KCNN2: variants seen among roughly 807,000 people sequenced by gnomAD.
The protein encoded by KCNN2 is small conductance calcium-activated potassium channel protein 2.
A neutral mutation model predicts 55.5 loss-of-function variants in KCNN2; 24 were observed. The observed-to-expected ratio is 0.43, with a 90% CI of 0.31 to 0.61. The LOEUF (loss-of-function observed/expected upper bound fraction) is 0.61. KCNN2 is among the 20% of genes least tolerant of loss of function. KCNN2 has a pLI of 0.08. For synonymous variants in KCNN2, 431 were observed against 336.1 expected, an observed-to-expected ratio of 1.28 and a Z score of -3.09; for missense variants, 754 against 853.6, an observed-to-expected ratio of 0.88 and a Z score of 1.45.
rs879461902 is a variant in KCNN2, at chr5:114,492,602, GT to G, written c.2019-794del. ...AATAGCAGAGTTCTTACCTACAAGT[GT>G]TTTTTTAATACCGTTTTTTGACTCT... On this transcript the variant is annotated intron_variant, in intron 6 of 7. Coordinates refer to ENST00000673685, the MANE Select transcript of KCNN2 (RefSeq NM_021614.4). Among the ~76,000 whole-genome samples the G allele has an allele frequency of 7.4e-4, 112 of 152,064 alleles. 2 individuals carry two copies. The highest frequency in any genetic ancestry group is 6.5e-3 in the Admixed American group (99 of 15,254).
chr5:114,229,934 G>T (rs1754322162), intron 2 of KCNN2, among the ~76,000 whole-genome samples: 1 of 152,116 alleles, frequency 6.6e-6, no homozygotes, highest in Non-Finnish European at 1.5e-5. Flanking sequence ...TGTACAGCTG[G>T]AACACACGTA....
intron 1 of KCNN2, among the ~76,000 whole-genome samples, chr5:114,179,519 G>T (rs1441533910): frequency 6.6e-6 from 1 of 152,206 alleles, no homozygotes; most frequent in East Asian, 1.9e-4. Context: ...CAAGCCTAAG[G>T]TCACTGAGCC....
chr5:114,273,696 GTTGT>G (rs1444550293), intron 2 of KCNN2, among the ~76,000 whole-genome samples: 3 of 151,778 alleles, frequency 2.0e-5, no homozygotes, highest in Non-Finnish European at 4.4e-5. Context: ...TTTGGATGGG[GTTGT>G]TTTTTTCTTG....
intron 4 of KCNN2, among the ~76,000 whole-genome samples, chr5:114,467,851 C>CCTAT (rs1278189457): frequency 6.6e-5 from 10 of 152,168 alleles, no homozygotes; most frequent in Admixed American, 6.5e-4. Context: ...AGCTGCCCTT[C>CCTAT]CTATCTCTGA....
intron 3 of KCNN2, among the ~76,000 whole-genome samples, chr5:114,414,648 A>T (rs1759251079): frequency 6.6e-6 from 1 of 152,230 alleles, no homozygotes; most frequent in East Asian, 1.9e-4. Flanking sequence ...GGCATCAGAT[A>T]TTTAAACCAT....
chr5:114,056,508 C>A (rs1580470649), intron 1 of KCNN2: 2 of 398,186 alleles, frequency 5.0e-6, no homozygotes, highest in South Asian at 2.6e-4. Flanking sequence ...GAGGTAAGGT[C>A]GCGACTAAGG....
At chr5:114,283,190 T>C (rs1755658866) in intron 2 of KCNN2, among the ~76,000 whole-genome samples, 1 of 152,272 alleles carries the variant, frequency 6.6e-6, no homozygotes, top group Admixed American at 6.5e-5. Context: ...TTAATGTACA[T>C]TGGGCTGTGT....
intron 3 of KCNN2, among the ~76,000 whole-genome samples, chr5:114,456,867 A>G (rs953609892): frequency 2.0e-5 from 3 of 152,228 alleles, no homozygotes; most frequent in Non-Finnish European, 4.4e-5. Flanking sequence ...CTGCAATCTC[A>G]TGATCAAATT....
At chr5:114,131,302 G>T (rs1482891164) in intron 1 of KCNN2, among the ~76,000 whole-genome samples, 1 of 152,092 alleles carries the variant, frequency 6.6e-6, no homozygotes, top group Non-Finnish European at 1.5e-5. Context: ...ACGGGTCTCA[G>T]TGTGTGTTGT....
chr5:114,200,867 C>T (rs537223235), intron 1 of KCNN2, among the ~76,000 whole-genome samples: 6 of 152,104 alleles, frequency 3.9e-5, no homozygotes, highest in East Asian at 3.9e-4. Flanking sequence ...CTGGGGACTT[C>T]GATGTCAAGT....
intron 2 of KCNN2, among the ~76,000 whole-genome samples, chr5:114,259,480 G>A (rs2150003635): frequency 6.6e-6 from 1 of 152,328 alleles, no homozygotes; most frequent in South Asian, 2.1e-4. Flanking sequence ...GATCTGGCAG[G>A]AGTTGGTGAT....
intron 2 of KCNN2, among the ~76,000 whole-genome samples, chr5:114,298,154 G>T (rs1756069652): frequency 6.6e-6 from 1 of 152,210 alleles, no homozygotes; most frequent in Non-Finnish European, 1.5e-5. Flanking sequence ...TGTCACAACA[G>T]GCTCAGGAAA....
At chr5:114,173,904 A>G (rs1753088732) in intron 1 of KCNN2, among the ~76,000 whole-genome samples, 2 of 151,990 alleles carry the variant, frequency 1.3e-5, no homozygotes, top group South Asian at 4.1e-4. Flanking sequence ...GTTATAAAAT[A>G]ATGTTTTTTA....
chr5:114,183,243 T>C (rs1753271626), intron 1 of KCNN2, among the ~76,000 whole-genome samples: 1 of 152,112 alleles, frequency 6.6e-6, no homozygotes, highest in African/African-American at 2.4e-5. Context: ...TGAAATCTTA[T>C]CATTTTTATG....
At position 114,074,337 on chromosome 5, in the gene KCNN2, C is replaced by CGT. The variant is rs1256337841; in HGVS notation, c.-271+17838_-271+17839insTG. Among the ~76,000 whole-genome samples the CGT allele has an allele frequency of 3.9e-4, 57 of 146,206 alleles. No homozygotes were observed. The East Asian group carries it at 1.0e-2, about 26-fold the overall frequency. Reference sequence around the variant, plus strand: ...GTGTGTGTGTGTGTGTGTGCGCGCGCGCGCCAGAGAGAAAGAGGGAAGATC... The same window carrying CGT: ...GTGTGTGTGTGTGTGTGTGCGCGCGCGTGCGCCAGAGAGAAAGAGGGAAGATC... On this transcript the variant is annotated intron_variant, in intron 1 of 10. Transcript: ENST00000512097.
At chr5:114,438,122 G>T (rs1258793006) in intron 3 of KCNN2, among the ~76,000 whole-genome samples, 1 of 152,124 alleles carries the variant, frequency 6.6e-6, no homozygotes. Context: ...AAAACAGATT[G>T]CCAGCAATCT....
intron 1 of KCNN2, among the ~76,000 whole-genome samples, chr5:114,087,359 T>C (rs1457653504): frequency 1.3e-5 from 2 of 152,160 alleles, no homozygotes; most frequent in African/African-American, 4.8e-5. Flanking sequence ...CCAAGGCTCA[T>C]GTTCAGAATG....
chr5:114,065,363 G>A (rs1750423960), intron 1 of KCNN2, among the ~76,000 whole-genome samples: 1 of 152,144 alleles, frequency 6.6e-6, no homozygotes, highest in Non-Finnish European at 1.5e-5. Flanking sequence ...TTTTACCCAA[G>A]TCCAAAAGTG....
chr5:114,344,302 T>C (rs1306970792), intron 2 of KCNN2, among the ~76,000 whole-genome samples: 1 of 152,108 alleles, frequency 6.6e-6, no homozygotes, highest in Non-Finnish European at 1.5e-5. Context: ...AATAATTTGC[T>C]AGAAGGACTG....
Sources: gnomAD v4.1 joint callset for allele counts (sites outside exome capture counted in the v4.1 genomes callset) on GRCh38, gnomAD v4.1.1 for gene constraint, MANE v1.5 for transcripts, NCBI Gene and HGNC (gene_info 2026-07-23, HGNC 2026-07-21) for gene names.